Variants in TNMD observed in about 807,000 individuals in gnomAD.
The protein encoded by TNMD is BRICHOS domain containing 4.
A neutral mutation model predicts 26.9 loss-of-function variants in TNMD; 15 were observed. The observed-to-expected ratio is 0.56, with a 90% CI of 0.37 to 0.86. The LOEUF is 0.86. Ranked by LOEUF, TNMD falls within the 40% of genes least tolerant of loss-of-function variation. The probability of loss-of-function intolerance (pLI) is 0.00; values close to 1 mark genes in which losing one functional copy is unlikely to be tolerated. For missense variants in TNMD, 222 were observed against 242.6 expected (o/e 0.92, Z 0.56); for synonymous variants, 73 against 77.0 (o/e 0.95, Z 0.27).
chrX:100,592,566 G>C (rs1486800318), intron 2 of TNMD, among the ~76,000 whole-genome samples: 1 of 112,137 alleles, frequency 8.9e-6, no homozygotes, highest in Non-Finnish European at 1.9e-5. Context: ...AAGCACTGTA[G>C]GGCTACCAAG....
intron 2 of TNMD, among the ~76,000 whole-genome samples, chrX:100,592,157 T>C (rs1014072694): frequency 1.8e-5 from 2 of 111,714 alleles, no homozygotes; most frequent in Non-Finnish European, 3.8e-5. Flanking sequence ...ATGGATAGTA[T>C]TTCTAACAAA....
chrX:100,589,597 A>G (rs1303115420), intron 2 of TNMD, among the ~76,000 whole-genome samples: 1 of 110,960 alleles, frequency 9.0e-6, no homozygotes. Flanking sequence ...ACCAGGATGA[A>G]GAGCCTGGGC....
rs748615626 is a variant in TNMD at position 100,588,434 on chromosome X, C to G, written c.180+3072C>G. On this transcript the variant is annotated intron_variant, in intron 2 of 6. Coordinates refer to ENST00000373031, the MANE Select transcript of TNMD (RefSeq NM_022144.3). ...CAGGCCCCTGACCCACAGCCACATA[C>G]AGGAGCCACCTGAGCTAAATGAAAG... Among the ~76,000 whole-genome samples the G allele has an allele frequency of 2.2e-4, 24 of 111,454 alleles. No individual in the cohort carries two copies. The South Asian group carries it at 8.4e-3, about 39-fold the overall frequency.
At chrX:100,585,102 A>G (rs2082918243) in intron 1 of TNMD, 36 bp downstream of exon 1, 1 of 1,194,395 alleles carries the variant, frequency 8.4e-7, no homozygotes, top group African/African-American at 1.7e-5. Flanking sequence ...TTTGAGCAGA[A>G]GCATGGTTTC....
chrX:100,593,534 A>G (rs1049652278), intron 2 of TNMD: 1 of 262,453 alleles, frequency 3.8e-6, no homozygotes, highest in Non-Finnish European at 5.3e-6. Context: ...AGTGTATTCA[A>G]ATCTCTTTCT....
chrX:100,589,586 C>T (rs1175112008), intron 2 of TNMD, among the ~76,000 whole-genome samples: 4 of 110,607 alleles, frequency 3.6e-5, no homozygotes, highest in Non-Finnish European at 7.6e-5. Flanking sequence ...ACTTATATGA[C>T]ACCAGGATGA....
Position 100,599,846 on chromosome X carries a change from C to T in TNMD, c.*129C>T. On this transcript the variant is annotated 3_prime_UTR_variant, in exon 7 of 7. Transcript: ENST00000373031. Reference sequence around the variant, plus strand: ...TCTCCAGAATTACTTGTAGGTAATTCCTCTCTTCATGTTCTAATAAACTTC... The same window carrying T: ...TCTCCAGAATTACTTGTAGGTAATTTCTCTCTTCATGTTCTAATAAACTTC... 1.8e-6 allele frequency: 1 copy of T among 553,289 alleles called. No individual in the cohort carries two copies. The allele number at this position is 553,289 out of a possible 1,213,427, so 45.6% of individuals were successfully genotyped here.
chrX:100,589,199 T>A (rs751740326), intron 2 of TNMD, among the ~76,000 whole-genome samples: 1 of 110,730 alleles, frequency 9.0e-6, no homozygotes, highest in Non-Finnish European at 1.9e-5. Context: ...GGAAGACAAC[T>A]TTTTTCTCCA....
At chrX:100,592,752 T>A (rs1424466639) in intron 2 of TNMD, among the ~76,000 whole-genome samples, 1 of 112,459 alleles carries the variant, frequency 8.9e-6, no homozygotes, top group African/African-American at 3.2e-5. Context: ...GACTAAAAAA[T>A]GACCCAACCT....
At chrX:100,588,227 A>G (rs1042976445) in intron 2 of TNMD, among the ~76,000 whole-genome samples, 2 of 111,683 alleles carry the variant, frequency 1.8e-5, no homozygotes, top group Non-Finnish European at 3.8e-5. Context: ...AGAACAAGCC[A>G]TGCTTGACCT....
At chrX:100,585,464 C>G in intron 2 of TNMD, 102 bp downstream of exon 2, 1 of 881,211 alleles carries the variant, frequency 1.1e-6, no homozygotes, top group Non-Finnish European at 1.5e-6. Context: ...CATTAAGTCT[C>G]TTTTGTGTTT....
At chrX:100,597,359 T>C (rs1396552839) in intron 4 of TNMD, 145 bp from the exon 5 acceptor site, 38 of 668,434 alleles carry the variant, frequency 5.7e-5, no homozygotes, top group Non-Finnish European at 8.3e-5. Flanking sequence ...ACCCACTGAA[T>C]GCAAGGCACA....
At chrX:100,588,491 T>C (rs1441090786) in intron 2 of TNMD, among the ~76,000 whole-genome samples, 1 of 111,301 alleles carries the variant, frequency 9.0e-6, no homozygotes, top group Non-Finnish European at 1.9e-5. Context: ...TTCAGCTTTC[T>C]TAAACAAGCA....
In TNMD at chrX:100,599,105, G is replaced by A; in HGVS notation, c.667G>A (p.Val223Met). 8.3e-7 allele frequency: 1 copy of A among 1,207,077 alleles called. No individual in the cohort carries two copies. The highest frequency in any genetic ancestry group is 1.1e-6 in the Non-Finnish European group (1 of 892,842). Residue 223 changes from valine to methionine, a missense_variant, in exon 6 of 7, where the codon GTG (valine) becomes ATG (methionine). Transcript: ENST00000373031. ...AGGGATTGAACAAAATGAACAGTGG[G>A]TGGTCCCTCAAGTGAAAGTAGAGAA... ...KKGIEQNEQW[V>M]VPQVKVEKTR...
intron 2 of TNMD, among the ~76,000 whole-genome samples, chrX:100,590,754 G>A (rs988843847): frequency 1.8e-5 from 2 of 111,685 alleles, no homozygotes; most frequent in African/African-American, 6.5e-5. Context: ...TGTGGGTGGA[G>A]TAAGAGCCCA....
chrX:100,593,871 G>T, intron 2 of TNMD, 24 bp from the exon 3 acceptor site: 2 of 1,206,243 alleles, frequency 1.7e-6, no homozygotes, highest in South Asian at 3.6e-5. Flanking sequence ...GTATCTTAGA[G>T]ATTGTTTTCC....
intron 4 of TNMD, among the ~76,000 whole-genome samples, chrX:100,595,198 A>ATTGGT (rs1211951330): frequency 8.9e-6 from 1 of 111,744 alleles, no homozygotes. Flanking sequence ...AAAAACAAAC[A>ATTGGT]TTGGTTTGGT....
At chrX:100,589,666 G>A (rs2082931987) in intron 2 of TNMD, among the ~76,000 whole-genome samples, 1 of 111,912 alleles carries the variant, frequency 8.9e-6, no homozygotes, top group Non-Finnish European at 1.9e-5. Context: ...GGAGGAAGTA[G>A]CCTGGATGAT....
intron 4 of TNMD, among the ~76,000 whole-genome samples, chrX:100,595,405 G>A (rs1041475201): frequency 3.6e-5 from 4 of 110,388 alleles, no homozygotes; most frequent in African/African-American, 6.6e-5. Context: ...ATCAGCCACC[G>A]CGCCCAGCCA....
Sources: gnomAD v4.1 joint callset for allele counts (sites outside exome capture counted in the v4.1 genomes callset) on GRCh38, gnomAD v4.1.1 for gene constraint, MANE v1.5 for transcripts, NCBI Gene and HGNC (gene_info 2026-07-23, HGNC 2026-07-21) for gene names.